Variants in PAG1 observed in about 807,000 individuals in gnomAD.
PAG1 encodes the protein phosphoprotein associated with glycosphingolipid-enriched microdomains 1.
Under a neutral mutation model 31.7 loss-of-function variants are expected in PAG1, and 23 were observed. The observed-to-expected ratio is 0.73, with a 90% CI of 0.52 to 1.03. The LOEUF is 1.03. Among genes scored for constraint, PAG1 ranks in the 50% least tolerant of loss-of-function variants. The pLI is 0.00. For synonymous variants in PAG1, 214 were observed against 210.3 expected (o/e 1.02, Z -0.15); for missense variants, 473 against 540.7 (o/e 0.87, Z 1.24).
intron 3 of PAG1, among the ~76,000 whole-genome samples, chr8:81,026,930 T>C (rs562679793): frequency 6.6e-6 from 1 of 152,112 alleles, no homozygotes; most frequent in Admixed American, 6.5e-5. Context: ...ATGGAAAGAA[T>C]AAAGGGAGTT....
At chr8:80,998,026 G>T (rs1191492402) in intron 3 of PAG1, among the ~76,000 whole-genome samples, 1 of 151,898 alleles carries the variant, frequency 6.6e-6, no homozygotes, top group African/African-American at 2.4e-5. Flanking sequence ...GGACTAAAAG[G>T]TCCATACTCT....
At chr8:81,053,878 G>C (rs1407732183) in intron 2 of PAG1, among the ~76,000 whole-genome samples, 2 of 152,210 alleles carry the variant, frequency 1.3e-5, no homozygotes, top group Non-Finnish European at 2.9e-5. Context: ...AGCAAGATCA[G>C]GGTATGCGAA....
intron 7 of PAG1, among the ~76,000 whole-genome samples, chr8:80,984,163 C>T (rs1486694019): frequency 3.9e-5 from 6 of 152,156 alleles, no homozygotes; most frequent in South Asian, 2.1e-4. Flanking sequence ...TGAACTTCAT[C>T]GTGGCTCAGA....
At chr8:80,995,261 CT>C (rs1304050928) in intron 3 of PAG1, among the ~76,000 whole-genome samples, 1 of 152,238 alleles carries the variant, frequency 6.6e-6, no homozygotes, top group Non-Finnish European at 1.5e-5. Flanking sequence ...TTCTAAGGCT[CT>C]ATAATTATAT....
At chr8:81,087,203 C>T (rs957685666) in intron 1 of PAG1, among the ~76,000 whole-genome samples, 1 of 151,998 alleles carries the variant, frequency 6.6e-6, no homozygotes, top group African/African-American at 2.4e-5. Flanking sequence ...ATTAGCTGGG[C>T]TTGGTGGCAT....
chr8:81,002,386 C>A (rs1208149193), intron 3 of PAG1, among the ~76,000 whole-genome samples: 1 of 152,242 alleles, frequency 6.6e-6, no homozygotes, highest in African/African-American at 2.4e-5. Flanking sequence ...GGGCTAACTA[C>A]AAATGCCCCC....
Position 80,968,420 on chromosome 8 carries a change from A to G in PAG1, c.*8124T>C, listed in dbSNP as rs1254403242. The G allele has an allele frequency of 6.6e-6, 1 of 152,240 alleles. No homozygotes were observed. The allele number at this position is 152,240 out of a possible 1,614,324, so 9.4% of individuals were successfully genotyped here. On this transcript the variant is annotated 3_prime_UTR_variant, in exon 9 of 9. Transcript: ENST00000220597. ...ACCACAGCCCTGTGCTCTTGTCTCC[A>G]AAACCCATGTTTCCCTTTACACTAA... is the stretch of plus-strand genomic sequence containing the variant.
intron 4 of PAG1, 102 bp from the exon 5 acceptor site, chr8:80,991,632 C>G: frequency 1.2e-6 from 1 of 813,186 alleles, no homozygotes; most frequent in South Asian, 1.4e-5. Context: ...TTAAATCTCT[C>G]GTTTTAAGAA....
intron 2 of PAG1, among the ~76,000 whole-genome samples, chr8:81,069,893 T>C (rs1056795793): frequency 2.0e-5 from 3 of 152,226 alleles, no homozygotes; most frequent in Non-Finnish European, 1.5e-5. Flanking sequence ...AGTATACCCA[T>C]TGGCGTCTTG....
intron 1 of PAG1, among the ~76,000 whole-genome samples, chr8:81,076,681 T>G (rs1809183770): frequency 6.6e-6 from 1 of 152,206 alleles, no homozygotes; most frequent in South Asian, 2.1e-4. Context: ...GTTTCTCAGA[T>G]TTTGAAAGGA....
chr8:81,082,148 G>T (rs542193733), intron 1 of PAG1, among the ~76,000 whole-genome samples: 4 of 151,144 alleles, frequency 2.6e-5, no homozygotes, highest in Non-Finnish European at 5.9e-5. Flanking sequence ...AGCTACTCGG[G>T]AGGCTGAGGC....
chr8:81,011,204 C>G (rs1259265379), intron 3 of PAG1, among the ~76,000 whole-genome samples: 4 of 152,168 alleles, frequency 2.6e-5, no homozygotes, highest in African/African-American at 9.7e-5. Context: ...AACTAAGGCA[C>G]TGATATGGTT....
At chr8:81,103,322 T>C (rs144117638) in intron 1 of PAG1, among the ~76,000 whole-genome samples, 154 of 152,182 alleles carry the variant, frequency 1.0e-3, no homozygotes, top group African/African-American at 3.3e-3. Context: ...ACCCCCTAAT[T>C]CTTCTTTAGT....
At chr8:81,046,890 T>G (rs1016128974) in intron 2 of PAG1, among the ~76,000 whole-genome samples, 2 of 152,130 alleles carry the variant, frequency 1.3e-5, no homozygotes, top group African/African-American at 2.4e-5. Flanking sequence ...GTTCCCCCCA[T>G]GTATCCATGT....
chr8:81,011,141 C>T (rs1807976210), intron 3 of PAG1, among the ~76,000 whole-genome samples: 1 of 152,148 alleles, frequency 6.6e-6, no homozygotes, highest in South Asian at 2.1e-4. Context: ...TATGTACAAC[C>T]TCTAGAATAG....
rs116463531 is a variant in PAG1, at chr8:80,997,377, G to C, written c.-80-4070C>G. On this transcript the variant is annotated intron_variant, in intron 3 of 8. Coordinates refer to ENST00000220597, the MANE Select transcript of PAG1 (RefSeq NM_018440.4). ...CCTCGACCTCCTGGAATCAAGCAAT[G>C]CTCCCACCGCTGCCTCTTGAGTAGC... Among the ~76,000 whole-genome samples, 1,399 of 152,192 alleles carry C rather than the reference G, an allele frequency of 9.2e-3. 27 individuals carry two copies. The highest frequency in any genetic ancestry group is 0.032 in the African/African-American group (1,322 of 41,522).
chr8:81,091,901 G>A (rs1809452025), intron 1 of PAG1, among the ~76,000 whole-genome samples: 1 of 151,656 alleles, frequency 6.6e-6, no homozygotes, highest in African/African-American at 2.4e-5. Flanking sequence ...TTGGAAGGGT[G>A]AGGCGGGAGA....
intron 3 of PAG1, among the ~76,000 whole-genome samples, chr8:81,015,589 T>A (rs1490076232): frequency 6.6e-6 from 1 of 152,216 alleles, no homozygotes; most frequent in Non-Finnish European, 1.5e-5. Flanking sequence ...AATTAAAGAA[T>A]TTGGCTTAAA....
chr8:81,064,339 CA>C (rs1416775315), intron 2 of PAG1, among the ~76,000 whole-genome samples: 4 of 152,144 alleles, frequency 2.6e-5, no homozygotes, highest in Admixed American at 2.6e-4. Flanking sequence ...ATTGATCTGA[CA>C]GGAGGCTGGC....
Sources: allele counts gnomAD v4.1 joint callset (sites outside exome capture counted in the v4.1 genomes callset), GRCh38; gene constraint gnomAD v4.1.1; transcripts MANE v1.5; gene names NCBI Gene and HGNC (gene_info 2026-07-23, HGNC 2026-07-21).